Variants in SLC27A6 observed in about 807,000 individuals in gnomAD.
SLC27A6 encodes long-chain fatty acid transport protein 6.
A neutral mutation model predicts 63.9 loss-of-function variants in SLC27A6; 74 were observed. That is an observed-to-expected ratio of 1.16 (90% CI 0.96 to 1.40). SLC27A6 has a LOEUF of 1.40. SLC27A6 is among the 40% of genes most tolerant of loss of function. The probability of loss-of-function intolerance (pLI) is 0.00; values close to 1 mark genes in which losing one functional copy is unlikely to be tolerated. For synonymous variants in SLC27A6, 287 were observed against 260.8 expected (o/e 1.10, Z -0.97); for missense variants, 794 against 732.9 (o/e 1.08, Z -0.96).
intron 5 of SLC27A6, among the ~76,000 whole-genome samples, chr5:129,023,114 A>G (rs1268590464): frequency 6.6e-6 from 1 of 152,150 alleles, no homozygotes; most frequent in Non-Finnish European, 1.5e-5. Context: ...GGAAAAGGAC[A>G]AAGTGGCTGT....
At chr5:128,992,605 A>AT (rs1406846998) in intron 4 of SLC27A6, among the ~76,000 whole-genome samples, 4 of 152,092 alleles carry the variant, frequency 2.6e-5, no homozygotes, top group Non-Finnish European at 5.9e-5. Context: ...TTTTTTAAAT[A>AT]TTTTTCTCTT....
intron 3 of SLC27A6, among the ~76,000 whole-genome samples, chr5:128,989,150 A>G (rs1474940279): frequency 6.6e-6 from 1 of 152,184 alleles, no homozygotes; most frequent in African/African-American, 2.4e-5. Context: ...CCTTCATTCC[A>G]TTGATCAAAG....
intron 2 of SLC27A6, among the ~76,000 whole-genome samples, chr5:128,987,753 T>C (rs2150135312): frequency 6.6e-6 from 1 of 152,040 alleles, no homozygotes; most frequent in Non-Finnish European, 1.5e-5. Context: ...GGGCTGATCT[T>C]CAGAAAATCA....
chr5:129,000,068 G>A (rs1751284223), intron 4 of SLC27A6, among the ~76,000 whole-genome samples: 1 of 152,142 alleles, frequency 6.6e-6, no homozygotes, highest in Non-Finnish European at 1.5e-5. Flanking sequence ...CATACAGCTG[G>A]TGCCCAAAGA....
intron 4 of SLC27A6, among the ~76,000 whole-genome samples, chr5:129,003,906 T>A (rs1351601033): frequency 7.0e-6 from 1 of 143,466 alleles, no homozygotes; most frequent in African/African-American, 2.6e-5. Flanking sequence ...AGGTTGAGGC[T>A]GCAGTGAGCT....
intron 5 of SLC27A6, among the ~76,000 whole-genome samples, chr5:129,020,455 C>A (rs550983031): frequency 2.0e-5 from 3 of 151,746 alleles, no homozygotes; most frequent in Non-Finnish European, 4.4e-5. Context: ...TAAAACCTGA[C>A]AATGTAAAAA....
At chr5:129,008,666 C>T (rs193084784) in intron 4 of SLC27A6, among the ~76,000 whole-genome samples, 11 of 152,186 alleles carry the variant, frequency 7.2e-5, no homozygotes, top group East Asian at 5.8e-4. Context: ...CCATAGGAGG[C>T]GGGAACTAGA....
intron 1 of SLC27A6, among the ~76,000 whole-genome samples, chr5:128,969,707 A>T (rs1409321525): frequency 2.0e-5 from 3 of 152,298 alleles, no homozygotes; most frequent in Middle Eastern, 3.4e-3. Context: ...TGTCATCTGC[A>T]AACAGGGACA....
intron 1 of SLC27A6, among the ~76,000 whole-genome samples, 182 bp downstream of exon 1, chr5:128,966,800 G>A (rs1010369004): frequency 3.3e-5 from 5 of 152,072 alleles, no homozygotes; most frequent in East Asian, 3.9e-4. Flanking sequence ...CTTCAGGCAC[G>A]TAGTTTCAGA....
intron 4 of SLC27A6, among the ~76,000 whole-genome samples, chr5:129,010,576 G>T (rs552504245): frequency 6.6e-6 from 1 of 152,312 alleles, no homozygotes; most frequent in Admixed American, 6.5e-5. Context: ...GTCATTTGTT[G>T]TTCTCATATA....
intron 4 of SLC27A6, among the ~76,000 whole-genome samples, chr5:128,998,816 G>T (rs1751242419): frequency 6.6e-6 from 1 of 152,090 alleles, no homozygotes; most frequent in African/African-American, 2.4e-5. Flanking sequence ...GTTAATCTTT[G>T]TTCTGCAGTG....
At chr5:129,017,175 CAA>C (rs1297919015) in intron 5 of SLC27A6, among the ~76,000 whole-genome samples, 1 of 152,024 alleles carries the variant, frequency 6.6e-6, no homozygotes, top group African/African-American at 2.4e-5. Flanking sequence ...GAAACGTTTA[CAA>C]AAGTTACTGG....
At position 128,985,177 on chromosome 5, in the gene SLC27A6, A is replaced by T; in HGVS notation, c.526A>T (p.Asn176Tyr). 6.2e-7 allele frequency: 1 copy of T among 1,614,040 alleles called. No individual in the cohort carries two copies. The highest frequency in any genetic ancestry group is 8.5e-7 in the Non-Finnish European group (1 of 1,179,972). Residue 176 changes from asparagine to tyrosine, a missense_variant, in exon 2 of 10, where the codon AAT becomes TAT. Coordinates refer to ENST00000262462, the MANE Select transcript of SLC27A6 (RefSeq NM_001017372.3). The part of the protein sequence containing the change: ...VEEILPSLSE[N>Y]ISVWGMKDSV... ...AGAAATCCTTCCAAGCCTCTCAGAAAATATCAGTGTTTGGGGGATGAAAGA... is the reference window on the plus strand; with the variant it reads ...AGAAATCCTTCCAAGCCTCTCAGAATATATCAGTGTTTGGGGGATGAAAGA...
At chr5:128,985,792 C>G (rs1465124436) in intron 2 of SLC27A6, among the ~76,000 whole-genome samples, 5 of 152,132 alleles carry the variant, frequency 3.3e-5, no homozygotes, top group Non-Finnish European at 7.4e-5. Context: ...AAACAGTTCT[C>G]TATATTCCTG....
At chr5:129,003,910 G>A (rs1351605878) in intron 4 of SLC27A6, among the ~76,000 whole-genome samples, 1 of 149,858 alleles carries the variant, frequency 6.7e-6, no homozygotes, top group Non-Finnish European at 1.5e-5. Flanking sequence ...TGAGGCTGCA[G>A]TGAGCTGAGA....
intron 4 of SLC27A6, among the ~76,000 whole-genome samples, chr5:129,009,920 AC>A (rs1322509692): frequency 6.6e-6 from 1 of 151,866 alleles, no homozygotes; most frequent in East Asian, 1.9e-4. Flanking sequence ...CAGGCAATCC[AC>A]CCGCCTCAGC....
intron 1 of SLC27A6, among the ~76,000 whole-genome samples, chr5:128,980,631 A>G (rs1750553376): frequency 6.6e-6 from 1 of 152,214 alleles, no homozygotes; most frequent in Non-Finnish European, 1.5e-5. Context: ...GAACTGCTCT[A>G]CATAGTAGGA....
intron 4 of SLC27A6, among the ~76,000 whole-genome samples, chr5:128,999,287 A>G (rs1316205344): frequency 6.6e-6 from 1 of 152,104 alleles, no homozygotes; most frequent in Non-Finnish European, 1.5e-5. Context: ...CCAGAACTCA[A>G]TTTATCAGTA....
intron 4 of SLC27A6, among the ~76,000 whole-genome samples, chr5:128,995,596 A>G (rs564802677): frequency 2.0e-5 from 3 of 152,316 alleles, no homozygotes; most frequent in Non-Finnish European, 1.5e-5. Context: ...ATAGTAATCT[A>G]TGAGCCGAGG....
Sources: gnomAD v4.1 joint callset for allele counts (sites outside exome capture counted in the v4.1 genomes callset) on GRCh38, gnomAD v4.1.1 for gene constraint, MANE v1.5 for transcripts, NCBI Gene and HGNC (gene_info 2026-07-23, HGNC 2026-07-21) for gene names.